CDK14: variants seen among roughly 807,000 people sequenced by gnomAD.
CDK14 encodes the protein cyclin-dependent kinase 14.
A neutral mutation model predicts 60.7 loss-of-function variants in CDK14; 34 were observed. The ratio of observed to expected loss-of-function variants is 0.56; its 90% CI spans 0.43 to 0.75. The LOEUF (loss-of-function observed/expected upper bound fraction) is 0.75. Among genes scored for constraint, CDK14 ranks in the 30% least tolerant of loss-of-function variants. The pLI is 0.00. For synonymous variants in CDK14, 197 were observed against 203.7 expected, an observed-to-expected ratio of 0.97 and a Z score of 0.28; for missense variants, 482 against 564.1, an observed-to-expected ratio of 0.85 and a Z score of 1.47.
intron 3 of CDK14, among the ~76,000 whole-genome samples, chr7:90,738,241 C>G (rs1013147196): frequency 6.6e-6 from 1 of 152,120 alleles, no homozygotes; most frequent in Non-Finnish European, 1.5e-5. Flanking sequence ...TTTTTCCAGT[C>G]TATAAATTAT....
chr7:90,701,698 C>G (rs2116616113), intron 2 of CDK14, among the ~76,000 whole-genome samples: 1 of 152,264 alleles, frequency 6.6e-6, no homozygotes, highest in African/African-American at 2.4e-5. Context: ...AGCTGAAAAT[C>G]AACTTGAAGT....
At chr7:91,132,016 G>A (rs565588547) in intron 14 of CDK14, among the ~76,000 whole-genome samples, 2 of 152,058 alleles carry the variant, frequency 1.3e-5, no homozygotes, top group African/African-American at 4.8e-5. Flanking sequence ...TTGGTTGGTT[G>A]GTTGGTTTTT....
rs577629694 is a variant in CDK14 at position 90,938,583 on chromosome 7, A to T, written c.827-17114A>T. On this transcript the variant is annotated intron_variant, in intron 8 of 14. Transcript: ENST00000380050. ...CTACATGAAGTCAATAATTTTTTTTAAAAAATGAGTCATTTGTGACTTTAT... is the reference window on the plus strand; with the variant it reads ...CTACATGAAGTCAATAATTTTTTTTTAAAAATGAGTCATTTGTGACTTTAT... Among the ~76,000 whole-genome samples the T allele has an allele frequency of 1.6e-4, 25 of 152,280 alleles. No individual in the cohort carries two copies. The East Asian group carries it at 2.5e-3, about 15-fold the overall frequency.
rs748125989 is a variant in CDK14, at chr7:91,079,434, C to T, written c.1108C>T (p.Arg370Cys). Residue 370 changes from arginine (R) to cysteine (C), a missense_variant and splice_region_variant, in exon 12 of 15, where the codon CGC (arginine) becomes TGC (cysteine). By Grantham distance (180) the Arg-to-Cys change is radical (BLOSUM62 -3). Transcript: ENST00000380050. Reference sequence around the variant, plus strand: ...ATCATTTTTCTTTTTTATTTCAGAACGCTTTACCCTGTACAGCTCTAAAAA... The same window carrying T: ...ATCATTTTTCTTTTTTATTTCAGAATGCTTTACCCTGTACAGCTCTAAAAA... The part of the protein sequence containing the change: ...VHSLPHFKPE[R>C]FTLYSSKNLR... 1.3e-5 allele frequency: 20 copies of T among 1,580,498 alleles called. No homozygotes were observed. Among genetic ancestry groups the T allele is most frequent in the African/African-American group, 4.1e-5 (3 of 73,736 alleles).
chr7:91,149,254 C>A, intron 14 of CDK14, among the ~76,000 whole-genome samples: 1 of 151,812 alleles, frequency 6.6e-6, no homozygotes, highest in East Asian at 1.9e-4. Context: ...AACCATTTTC[C>A]GAACGTGCCA....
At chr7:90,724,494 T>A (rs373972451) in intron 2 of CDK14, among the ~76,000 whole-genome samples, 203 of 151,872 alleles carry the variant, frequency 1.3e-3, no homozygotes, top group African/African-American at 3.9e-3. Flanking sequence ...TTATTTATTT[T>A]TTTTTTAGTA....
chr7:91,091,396 T>C (rs1584043895), intron 12 of CDK14, among the ~76,000 whole-genome samples: 1 of 143,832 alleles, frequency 7.0e-6, no homozygotes, highest in East Asian at 2.0e-4. Context: ...TATACACATA[T>C]GTATATAAAT....
intron 4 of CDK14, among the ~76,000 whole-genome samples, chr7:90,758,808 C>A (rs1474913134): frequency 2.0e-5 from 3 of 152,330 alleles, no homozygotes; most frequent in Admixed American, 2.0e-4. Flanking sequence ...GCTATCCCAG[C>A]ACTTTGCAAG....
rs3038210 is a variant in CDK14, at chr7:90,866,233, TACACACACACAC to T, written c.639+2994_639+3005del. 4.5e-4 allele frequency among the ~76,000 whole-genome samples: 63 copies of T among 140,374 alleles called. 1 individual carries two copies. The highest frequency in any genetic ancestry group is 8.6e-4 in the Admixed American group (12 of 14,014). The allele number at this position is 140,374 out of a possible 152,430, so 92.1% of individuals were successfully genotyped here. Reference sequence around the variant, plus strand: ...CTTCTGAAATACACACACATACACATACACACACACACACACACACACACACACACACACACA... The same window carrying T: ...CTTCTGAAATACACACACATACACATACACACACACACACACACACACACA... On this transcript the variant is annotated intron_variant, in intron 6 of 14. Coordinates refer to ENST00000380050, the MANE Select transcript of CDK14 (RefSeq NM_001287135.2).
At chr7:90,621,724 C>T (rs574946734) in intron 2 of CDK14, among the ~76,000 whole-genome samples, 1 of 148,126 alleles carries the variant, frequency 6.8e-6, no homozygotes, top group African/African-American at 2.5e-5. Context: ...AGGAATTCAC[C>T]AACTGTTTAT....
intron 7 of CDK14, among the ~76,000 whole-genome samples, 171 bp downstream of exon 7, chr7:90,899,524 T>C (rs1336206352): frequency 6.6e-6 from 1 of 152,128 alleles, no homozygotes; most frequent in Non-Finnish European, 1.5e-5. Context: ...GGAAACCATG[T>C]TTTAACATTA....
intron 4 of CDK14, among the ~76,000 whole-genome samples, chr7:90,773,887 C>T (rs1254431833): frequency 1.1e-5 from 1 of 88,016 alleles, no homozygotes; most frequent in African/African-American, 4.3e-5. Context: ...CTCTCCTCTC[C>T]TCTCCTCTTT....
chr7:90,902,201 C>A (rs1234638012), intron 7 of CDK14, among the ~76,000 whole-genome samples: 1 of 151,986 alleles, frequency 6.6e-6, no homozygotes, highest in Non-Finnish European at 1.5e-5. Context: ...CAATACAATT[C>A]CTCAAAATAC....
intron 8 of CDK14, among the ~76,000 whole-genome samples, chr7:90,938,089 C>G (rs960142451): frequency 6.6e-6 from 1 of 152,176 alleles, no homozygotes; most frequent in Non-Finnish European, 1.5e-5. Context: ...TATTAAAGCT[C>G]AAATTGTAGA....
intron 2 of CDK14, among the ~76,000 whole-genome samples, chr7:90,633,799 G>A (rs1002541297): frequency 1.3e-5 from 2 of 151,722 alleles, no homozygotes; most frequent in South Asian, 4.2e-4. Context: ...TGTATTAATG[G>A]TATTTCTTAA....
chr7:90,882,022 CCAT>C (rs1208411469), intron 6 of CDK14, among the ~76,000 whole-genome samples: 3 of 152,068 alleles, frequency 2.0e-5, no homozygotes, highest in Non-Finnish European at 4.4e-5. Flanking sequence ...CGAAGAAACT[CCAT>C]CAACTAGTGT....
chr7:90,702,360 A>C (rs1233003482), intron 2 of CDK14, among the ~76,000 whole-genome samples: 2 of 152,160 alleles, frequency 1.3e-5, no homozygotes, highest in Non-Finnish European at 2.9e-5. Context: ...CCTGTGACTT[A>C]TGCATGTTTG....
At chr7:91,140,412 G>C (rs1013742432) in intron 14 of CDK14, among the ~76,000 whole-genome samples, 2 of 152,122 alleles carry the variant, frequency 1.3e-5, no homozygotes, top group African/African-American at 4.8e-5. Flanking sequence ...CCTGAGTTCT[G>C]TTGTGTCTGT....
intron 10 of CDK14, among the ~76,000 whole-genome samples, chr7:90,998,126 A>G (rs1449730930): frequency 1.3e-5 from 2 of 152,194 alleles, no homozygotes; most frequent in Non-Finnish European, 2.9e-5. Flanking sequence ...ATTAGATGTG[A>G]AATGGAAAAA....
Sources: allele counts gnomAD v4.1 joint callset (sites outside exome capture counted in the v4.1 genomes callset), GRCh38; gene constraint gnomAD v4.1.1; transcripts MANE v1.5; gene names NCBI Gene and HGNC (gene_info 2026-07-23, HGNC 2026-07-21).